Variants in GALNT18 observed in about 807,000 individuals in gnomAD.
GALNT18 encodes GalNAc-transferase 18.
A neutral mutation model predicts 69.5 loss-of-function variants in GALNT18; 44 were observed. The observed-to-expected ratio is 0.63, with a 90% CI of 0.50 to 0.81. The LOEUF (loss-of-function observed/expected upper bound fraction) is 0.81, where lower values mean the gene tolerates loss of function less well. Among genes scored for constraint, GALNT18 ranks in the 40% least tolerant of loss-of-function variants. The pLI is 0.00. For synonymous variants in GALNT18, 364 were observed against 318.2 expected (o/e 1.14, Z -1.53); for missense variants, 715 against 810.0 (o/e 0.88, Z 1.42).
At chr11:11,412,571 C>G (rs1854755723) in intron 3 of GALNT18, among the ~76,000 whole-genome samples, 1 of 152,258 alleles carries the variant, frequency 6.6e-6, no homozygotes, top group Admixed American at 6.5e-5. Flanking sequence ...TTAACAAGGT[C>G]TAACCCTGGT....
intron 1 of GALNT18, among the ~76,000 whole-genome samples, chr11:11,599,380 T>G (rs1859579745): frequency 6.6e-6 from 1 of 152,102 alleles, no homozygotes; most frequent in African/African-American, 2.4e-5. Flanking sequence ...TTTTGGTGTT[T>G]TAACGTCAAT....
chr11:11,466,441 C>T (rs538347956), intron 1 of GALNT18, among the ~76,000 whole-genome samples: 10 of 152,190 alleles, frequency 6.6e-5, no homozygotes, highest in South Asian at 6.2e-4. Context: ...GATTTTGATA[C>T]GGACACCCAG....
rs1850182706 is a variant in GALNT18 at position 11,340,391 on chromosome 11, G to T, written c.1278+428C>A. 6.7e-6 allele frequency among the ~76,000 whole-genome samples: 1 copy of T among 148,332 alleles called. No homozygotes were observed. Among genetic ancestry groups the T allele is most frequent in the Non-Finnish European group, 1.5e-5 (1 of 67,180 alleles). ...TGGATCTTTATAACTCTGGTCAAAG[G>T]TTCAATGGAGAAGTTTGAACCTAAT... On this transcript the variant is annotated intron_variant, in intron 7 of 10. Transcript: ENST00000227756. This position sits in a 1 kb window ranked among gnomAD's most constrained non-coding sequence, Gnocchi z 4.2.
intron 1 of GALNT18, among the ~76,000 whole-genome samples, chr11:11,502,930 G>C (rs1398004065): frequency 6.6e-6 from 1 of 152,166 alleles, no homozygotes; most frequent in Non-Finnish European, 1.5e-5. Flanking sequence ...TCATTTTCTT[G>C]GGATATTGGT....
chr11:11,275,408 G>T (rs547774814), intron 10 of GALNT18, among the ~76,000 whole-genome samples: 7 of 152,254 alleles, frequency 4.6e-5, no homozygotes, highest in African/African-American at 9.6e-5. Flanking sequence ...TTGTAAATTT[G>T]TTTGTTCTTT....
rs527643704 is a variant in GALNT18 at position 11,371,201 on chromosome 11, G to A, written c.1092+1314C>T. Among the ~76,000 whole-genome samples the A allele has an allele frequency of 4.3e-4, 66 of 152,256 alleles. 1 individual carries two copies. In the South Asian group the frequency reaches 0.013, roughly 31 times the overall value. ...TAGCATTAAGTCTGGGTGGTGAGTC[G>A]GGCCCCACACAGTACCTGTCAGGTC... On this transcript the variant is annotated intron_variant, in intron 6 of 10. Coordinates refer to ENST00000227756, the MANE Select transcript of GALNT18 (RefSeq NM_198516.3).
rs903640756 is a variant in GALNT18, at chr11:11,584,334, G to A, written c.235+37025C>T. The stretch of plus-strand genomic sequence containing the variant: ...AAATAACACCTTGCAAACACAAGGG[G>A]ACAGTTTGTATTTTAAAGTCTTGGA... On this transcript the variant is annotated intron_variant, in intron 1 of 10. Transcript: ENST00000227756. The surrounding 1 kb of genome is among the most constrained non-coding windows in gnomAD (Gnocchi z 4.1). 6.6e-6 allele frequency among the ~76,000 whole-genome samples: 1 copy of A among 152,188 alleles called. No homozygotes were observed. The highest frequency in any genetic ancestry group is 2.4e-5 in the African/African-American group (1 of 41,436).
Position 11,439,547 on chromosome 11 carries a change from C to A in GALNT18, c.429-6760G>T, listed in dbSNP as rs1855489312. On this transcript the variant is annotated intron_variant, in intron 2 of 10. Coordinates refer to ENST00000227756, the MANE Select transcript of GALNT18 (RefSeq NM_198516.3). The surrounding 1 kb of genome is among the most constrained non-coding windows in gnomAD (Gnocchi z 4.4). Reference sequence around the variant, plus strand: ...CTTTCATGCCATGTACATGCTATTGCAACATGTTTTTATATGTGATCATTT... The same window carrying A: ...CTTTCATGCCATGTACATGCTATTGAAACATGTTTTTATATGTGATCATTT... Among the ~76,000 whole-genome samples the A allele has an allele frequency of 6.6e-6, 1 of 152,182 alleles. No individual in the cohort carries two copies. Among genetic ancestry groups the A allele is most frequent in the Non-Finnish European group, 1.5e-5 (1 of 68,040 alleles).
At chr11:11,445,418 G>A (rs543856077) in intron 2 of GALNT18, among the ~76,000 whole-genome samples, 31 of 152,214 alleles carry the variant, frequency 2.0e-4, no homozygotes, top group Non-Finnish European at 4.1e-4. Context: ...TGCCAGTGTC[G>A]TTTGAAATAG....
intron 3 of GALNT18, among the ~76,000 whole-genome samples, chr11:11,405,515 G>A (rs1214701889): frequency 3.9e-5 from 6 of 152,140 alleles, no homozygotes; most frequent in Non-Finnish European, 8.8e-5. Flanking sequence ...TGGGGTTCAA[G>A]GTCTCTTCTT....
At chr11:11,412,043 T>C (rs1323234781) in intron 3 of GALNT18, among the ~76,000 whole-genome samples, 1 of 152,102 alleles carries the variant, frequency 6.6e-6, no homozygotes, top group African/African-American at 2.4e-5. Context: ...CCAACACTCA[T>C]AGCACCTGGG....
chr11:11,307,145 C>A (rs993041045), intron 9 of GALNT18, among the ~76,000 whole-genome samples: 1 of 146,682 alleles, frequency 6.8e-6, no homozygotes, highest in African/African-American at 2.5e-5. Context: ...GCCAGTCTAG[C>A]CTAGCCCAAA....
rs187668133 is a variant in GALNT18, at chr11:11,516,577, G to T, written c.236-67641C>A. On this transcript the variant is annotated intron_variant, in intron 1 of 10. Transcript: ENST00000227756. ...ACCTGGGAGGCAGAGGTTGCAGTGAGCCCAGATGACACCATTGAACTCTAG... is the reference window on the plus strand; with the variant it reads ...ACCTGGGAGGCAGAGGTTGCAGTGATCCCAGATGACACCATTGAACTCTAG... Among the ~76,000 whole-genome samples, 461 of 152,272 alleles carry T rather than the reference G, an allele frequency of 3.0e-3. 5 individuals are homozygous for T. Among genetic ancestry groups the T allele is most frequent in the African/African-American group, 7.4e-3 (307 of 41,538 alleles).
intron 1 of GALNT18, among the ~76,000 whole-genome samples, chr11:11,585,166 G>A (rs2133916391): frequency 6.6e-6 from 1 of 152,210 alleles, no homozygotes; most frequent in African/African-American, 2.4e-5. Flanking sequence ...AAAGTACAAG[G>A]CAGACCACAG....
intron 2 of GALNT18, among the ~76,000 whole-genome samples, chr11:11,446,483 C>T (rs113061070): frequency 0.015 from 2,350 of 152,278 alleles, 45 homozygotes; most frequent in African/African-American, 0.047. Flanking sequence ...TCCTGATGAT[C>T]TCTTCTCCAG....
At chr11:11,403,769 T>C (rs1021438563) in intron 3 of GALNT18, among the ~76,000 whole-genome samples, 1 of 152,190 alleles carries the variant, frequency 6.6e-6, no homozygotes, top group Non-Finnish European at 1.5e-5. Flanking sequence ...TGCTAACTGC[T>C]GTGCCAACTC....
intron 3 of GALNT18, among the ~76,000 whole-genome samples, chr11:11,395,031 G>T (rs772608442): frequency 1.3e-5 from 2 of 152,246 alleles, no homozygotes; most frequent in Non-Finnish European, 1.5e-5. Flanking sequence ...ATAAGGCAAA[G>T]TTGATCTCCA....
At chr11:11,490,200 TTCTC>T (rs71037025) in intron 1 of GALNT18, among the ~76,000 whole-genome samples, 31,691 of 129,150 alleles carry the variant, frequency 0.25, 3,722 homozygotes, top group East Asian at 0.54. Flanking sequence ...CCTTCACTCA[TTCTC>T]TCTCTCTCTC....
At chr11:11,279,141 GCACCTCCTCTCACCACTCTCT>G (rs1381287512) in intron 10 of GALNT18, among the ~76,000 whole-genome samples, 5 of 152,088 alleles carry the variant, frequency 3.3e-5, no homozygotes, top group African/African-American at 9.7e-5. Context: ...AAAGTGTGTG[GCACCTCCTCTCACCACTCTCT>G]CTCCTCCCTT....
Sources: allele counts gnomAD v4.1 joint callset (sites outside exome capture counted in the v4.1 genomes callset), GRCh38; gene constraint gnomAD v4.1.1; non-coding constraint Gnocchi (gnomAD v3.1); transcripts MANE v1.5; gene names NCBI Gene and HGNC (gene_info 2026-07-23, HGNC 2026-07-21).